The following OTUD7B variants were observed in gnomAD, a reference collection of about 807,000 sequenced individuals.
The protein encoded by OTUD7B is OTU deubiquitinase 7B, also known as OTU domain-containing protein 7B.
A neutral mutation model predicts 82.2 loss-of-function variants in OTUD7B; 34 were observed. That is an observed-to-expected ratio of 0.41 (90% CI 0.31 to 0.55). OTUD7B has a LOEUF of 0.55. Ranked by LOEUF, OTUD7B falls within the 20% of genes least tolerant of loss-of-function variation. The pLI is 0.20. For missense variants in OTUD7B, 944 were observed against 1,062.1 expected (o/e 0.89, Z 1.55); for synonymous variants, 398 against 402.7 (o/e 0.99, Z 0.14).
At chr1:149,962,981 G>A (rs1354071464) in intron 6 of OTUD7B, 1 of 152,134 alleles carries the variant, frequency 6.6e-6, no homozygotes, top group Non-Finnish European at 1.5e-5. Context: ...ATTTCCCTCA[G>A]GAATCTTCTG....
intron 2 of OTUD7B, among the ~76,000 whole-genome samples, chr1:149,971,881 T>C (rs1553777731): frequency 6.6e-6 from 1 of 152,250 alleles, no homozygotes; most frequent in African/African-American, 2.4e-5. Context: ...ATTCAACAAA[T>C]ATGCATTGTA....
At chr1:150,029,637 TCA>T in the OTUD7B span, among the ~76,000 whole-genome samples, 112 of 152,306 alleles carry the variant, frequency 7.4e-4, 2 homozygotes, top group African/African-American at 2.5e-3. Context: ...GTTCATTCTC[TCA>T]GAGTCCACAG....
chr1:149,954,689 G>C (rs1648527507), intron 7 of OTUD7B, among the ~76,000 whole-genome samples: 1 of 152,086 alleles, frequency 6.6e-6, no homozygotes, highest in Non-Finnish European at 1.5e-5. Flanking sequence ...GACTTTTTAT[G>C]GTTGGTATGC....
chr1:150,029,006 T>TTTTG, the OTUD7B span, among the ~76,000 whole-genome samples: 23,419 of 152,076 alleles, frequency 0.15, 1,939 homozygotes, highest in African/African-American at 0.19. Context: ...ATATAGCATA[T>TTTTG]TTTATCAATT....
chr1:149,974,722 G>A (rs1415261179), intron 2 of OTUD7B, among the ~76,000 whole-genome samples: 6 of 151,050 alleles, frequency 4.0e-5, no homozygotes. Context: ...GCTAATTTTT[G>A]TATTTTTAGT....
intron 1 of OTUD7B, among the ~76,000 whole-genome samples, chr1:149,979,861 T>G (rs1553779338): frequency 6.6e-6 from 1 of 152,120 alleles, no homozygotes; most frequent in African/African-American, 2.4e-5. Flanking sequence ...GCAGCTCAAA[T>G]AACTTATACA....
At chr1:150,067,108 A>C in the OTUD7B span, 1 of 152,280 alleles carries the variant, frequency 6.6e-6, no homozygotes, top group African/African-American at 2.4e-5. Flanking sequence ...CCCTAGCTGC[A>C]GACCCTCCTG....
the OTUD7B span, among the ~76,000 whole-genome samples, chr1:150,063,018 C>G: frequency 2.2e-5 from 3 of 138,734 alleles, no homozygotes; most frequent in African/African-American, 1.0e-4. Context: ...CTGGCCCTGA[C>G]TTATACTTAT....
intron 11 of OTUD7B, among the ~76,000 whole-genome samples, chr1:149,945,785 G>C (rs1344002172): frequency 6.6e-6 from 1 of 152,152 alleles, no homozygotes; most frequent in Admixed American, 6.5e-5. Context: ...GTTAAGCCAG[G>C]CACGGTGGCT....
At chr1:149,998,113 AC>A (rs1385189264) in intron 1 of OTUD7B, among the ~76,000 whole-genome samples, 1 of 152,112 alleles carries the variant, frequency 6.6e-6, no homozygotes, top group African/African-American at 2.4e-5. Context: ...GATCATTCTT[AC>A]CTAACCTTTT....
At chr1:149,972,044 G>T (rs1649976311) in intron 2 of OTUD7B, among the ~76,000 whole-genome samples, 1 of 152,156 alleles carries the variant, frequency 6.6e-6, no homozygotes, top group South Asian at 2.1e-4. Context: ...CCATAATCGA[G>T]ATTTTTAATG....
In OTUD7B at chr1:149,950,414, G is replaced by C. The variant is rs189504682; in HGVS notation, c.846-193C>G. ...GGCTGTTTCTACCTCCGTTTTCACA[G>C]ATGGGGAAATCCAAGAAAAGAGATT... On this transcript the variant is annotated intron_variant, in intron 7 of 11. Transcript: ENST00000581312. Among the ~76,000 whole-genome samples, 836 of 152,236 alleles carry C rather than the reference G, an allele frequency of 5.5e-3. 6 individuals carry two copies. The highest frequency in any genetic ancestry group is 0.019 in the African/African-American group (793 of 41,522).
upstream of OTUD7B, among the ~76,000 whole-genome samples, chr1:150,014,199 G>T (rs1653202887): frequency 7.4e-6 from 1 of 134,774 alleles, no homozygotes; most frequent in Non-Finnish European, 1.6e-5. Context: ...AGGAGTTTGA[G>T]ACCAGCCTGG....
rs372439997 is a variant in OTUD7B at position 149,944,697 on chromosome 1, C to T, written c.1692G>A (p.Glu564=). The T allele has an allele frequency of 5.3e-5, 85 of 1,613,872 alleles. No homozygotes were observed. Among genetic ancestry groups the T allele is most frequent in the Non-Finnish European group, 6.8e-5 (80 of 1,180,022 alleles). Residue 564 remains glutamate, a synonymous_variant, in exon 12 of 12, where the codon GAG becomes GAA. Transcript: ENST00000581312. ...ACACAGGCCCATCCCCAGCTGCCTC[C>T]TCCTTGCCACCCTTCCAGCTCTTCA... ...NSLKSWKGGK[E]EAAGDGPVSE... is the part of the protein sequence containing the mutation.
chr1:149,960,014 C>T (rs1402193386), intron 6 of OTUD7B, among the ~76,000 whole-genome samples: 1 of 152,094 alleles, frequency 6.6e-6, no homozygotes, highest in Non-Finnish European at 1.5e-5. Flanking sequence ...TTCTTTTTGA[C>T]CTACTGCAAT....
the OTUD7B span, chr1:150,047,856 G>A: frequency 1.3e-5 from 2 of 152,082 alleles, no homozygotes; most frequent in Non-Finnish European, 2.9e-5. Flanking sequence ...GGAGGCTGAG[G>A]CAGGAAAATC....
chr1:150,054,808 C>CACAAAAAAAAAAAAAAAAA, the OTUD7B span: 1 of 41,700 alleles, frequency 2.4e-5, no homozygotes, highest in African/African-American at 1.0e-4. Context: ...AACTCAGTCT[C>CACAAAAAAAAAAAAAAAAA]AAAAAAAAAA....
At chr1:149,970,259 C>G (rs1649819156) in intron 3 of OTUD7B, among the ~76,000 whole-genome samples, 1 of 150,530 alleles carries the variant, frequency 6.6e-6, no homozygotes, top group Non-Finnish European at 1.5e-5. Context: ...TAAAATAATG[C>G]TGCTGTGAAT....
At chr1:149,990,867 T>C (rs1456202940) in intron 1 of OTUD7B, among the ~76,000 whole-genome samples, 1 of 152,068 alleles carries the variant, frequency 6.6e-6, no homozygotes, top group Non-Finnish European at 1.5e-5. Context: ...GGCACATGCT[T>C]GTAATCCGAG....
Sources: allele counts gnomAD v4.1 joint callset (sites outside exome capture counted in the v4.1 genomes callset), GRCh38; gene constraint gnomAD v4.1.1; transcripts MANE v1.5; gene names NCBI Gene and HGNC (gene_info 2026-07-23, HGNC 2026-07-21).